ZNF385D: variants seen among roughly 807,000 people sequenced by gnomAD.
ZNF385D encodes the protein zinc finger protein 385D, also known as zinc finger protein 659.
Under a neutral mutation model 35.8 loss-of-function variants are expected in ZNF385D, and 15 were observed. That is an observed-to-expected ratio of 0.42 (90% CI 0.28 to 0.64). The LOEUF is 0.64. Ranked by LOEUF, ZNF385D falls within the 30% of genes least tolerant of loss-of-function variation. ZNF385D has a pLI of 0.23. For synonymous variants in ZNF385D, 212 were observed against 186.8 expected (o/e 1.13, Z -1.10); for missense variants, 474 against 494.6 (o/e 0.96, Z 0.39).
intron 2 of ZNF385D, among the ~76,000 whole-genome samples, chr3:22,281,001 G>T (rs748660816): frequency 1.3e-4 from 19 of 151,890 alleles, no homozygotes; most frequent in Non-Finnish European, 2.1e-4. Flanking sequence ...TCCAGTTATT[G>T]TAAAAGGGTT....
intron 3 of ZNF385D, among the ~76,000 whole-genome samples, chr3:21,543,462 C>A (rs1329639153): frequency 6.6e-6 from 1 of 152,094 alleles, no homozygotes; most frequent in Non-Finnish European, 1.5e-5. Context: ...AGCAGCAGTT[C>A]CCAGCCGCTC....
intron 3 of ZNF385D, among the ~76,000 whole-genome samples, chr3:22,116,990 T>A (rs1323949533): frequency 6.6e-6 from 1 of 151,982 alleles, no homozygotes; most frequent in African/African-American, 2.4e-5. Context: ...TTCAACAAAT[T>A]AGGAAAATAG....
chr3:21,995,076 G>A (rs1399821175), intron 3 of ZNF385D, among the ~76,000 whole-genome samples: 1 of 152,192 alleles, frequency 6.6e-6, no homozygotes, highest in African/African-American at 2.4e-5. Flanking sequence ...AAGTGGATAG[G>A]TCGTCAGGCC....
At chr3:21,756,848 C>T (rs7641603) in intron 3 of ZNF385D, among the ~76,000 whole-genome samples, 127,312 of 152,182 alleles carry the variant, frequency 0.84, 53,427 homozygotes, top group East Asian at 0.98. Context: ...GCTGTCCATA[C>T]GGAAACAAAT....
intron 1 of ZNF385D, among the ~76,000 whole-genome samples, chr3:21,723,966 A>G (rs1449566202): frequency 1.3e-5 from 2 of 152,216 alleles, no homozygotes; most frequent in Non-Finnish European, 2.9e-5. Flanking sequence ...CAGGAACCCT[A>G]CAAGCCAGAA....
intron 4 of ZNF385D, among the ~76,000 whole-genome samples, chr3:21,493,374 C>T (rs1447062887): frequency 6.6e-6 from 1 of 152,044 alleles, no homozygotes; most frequent in African/African-American, 2.4e-5. Context: ...TTTAAGCTTT[C>T]TCTTTTTGGA....
intron 3 of ZNF385D, among the ~76,000 whole-genome samples, chr3:22,136,272 C>T (rs141485647): frequency 3.9e-4 from 60 of 152,236 alleles, no homozygotes; most frequent in African/African-American, 1.4e-3. Flanking sequence ...CCTGTAGTCC[C>T]AGCTACTCGG....
At chr3:21,827,237 T>C (rs1233587343) in intron 3 of ZNF385D, among the ~76,000 whole-genome samples, 1 of 152,178 alleles carries the variant, frequency 6.6e-6, no homozygotes, top group African/African-American at 2.4e-5. Flanking sequence ...CAGTCCTTCA[T>C]GAAGACATTT....
intron 4 of ZNF385D, among the ~76,000 whole-genome samples, chr3:21,496,355 A>T (rs1049460521): frequency 6.9e-6 from 1 of 144,338 alleles, no homozygotes; most frequent in Non-Finnish European, 1.5e-5. Flanking sequence ...GTATATATGT[A>T]TATATCATAT....
intron 2 of ZNF385D, among the ~76,000 whole-genome samples, chr3:22,245,325 T>C (rs1699716707): frequency 1.3e-5 from 2 of 152,066 alleles, no homozygotes; most frequent in South Asian, 4.1e-4. Flanking sequence ...GACAGAAGTG[T>C]CCTGGGGCTA....
At chr3:22,232,555 C>G (rs1698956538) in intron 2 of ZNF385D, among the ~76,000 whole-genome samples, 1 of 152,138 alleles carries the variant, frequency 6.6e-6, no homozygotes, top group Non-Finnish European at 1.5e-5. Flanking sequence ...CCATCCCTGA[C>G]AGGCCCTGGT....
intron 4 of ZNF385D, among the ~76,000 whole-genome samples, chr3:21,488,000 C>T (rs1705156769): frequency 6.6e-6 from 1 of 152,048 alleles, no homozygotes; most frequent in Non-Finnish European, 1.5e-5. Flanking sequence ...CAGTTTTCCT[C>T]AAGAGCTTCC....
intron 3 of ZNF385D, among the ~76,000 whole-genome samples, chr3:21,771,055 A>C (rs1575620646): frequency 1.4e-5 from 2 of 142,502 alleles, no homozygotes; most frequent in Admixed American, 1.4e-4. Context: ...ACACTTGGAC[A>C]CAGGAAGGGG....
chr3:22,021,714 G>A (rs1457948697), intron 3 of ZNF385D, among the ~76,000 whole-genome samples: 1 of 152,012 alleles, frequency 6.6e-6, no homozygotes, highest in Admixed American at 6.6e-5. Flanking sequence ...ATGAAAACTG[G>A]CTTAGGAATG....
intron 3 of ZNF385D, among the ~76,000 whole-genome samples, chr3:22,043,403 G>C (rs979606468): frequency 6.6e-6 from 1 of 151,962 alleles, no homozygotes; most frequent in East Asian, 1.9e-4. Flanking sequence ...TACAAACATA[G>C]GCATAGATAC....
chr3:21,630,019 CACT>C (rs1221772242), intron 2 of ZNF385D, among the ~76,000 whole-genome samples: 2 of 26,164 alleles, frequency 7.6e-5, no homozygotes, highest in African/African-American at 1.9e-4. Flanking sequence ...TATTTTTCCT[CACT>C]ATGTCCTCCC....
At chr3:21,668,063 C>A (rs1490159) in intron 1 of ZNF385D, among the ~76,000 whole-genome samples, 37,043 of 152,150 alleles carry the variant, frequency 0.24, 5,599 homozygotes, top group South Asian at 0.37. Context: ...TATTTTTAGA[C>A]TATCTGCTAT....
chr3:22,139,314 A>G (rs1162772208), intron 3 of ZNF385D, among the ~76,000 whole-genome samples: 1 of 152,236 alleles, frequency 6.6e-6, no homozygotes, highest in Admixed American at 6.5e-5. Context: ...ACACATGTAC[A>G]CATATGTTTA....
At chr3:22,337,413 A>G (rs1695222972) in intron 2 of ZNF385D, among the ~76,000 whole-genome samples, 1 of 152,140 alleles carries the variant, frequency 6.6e-6, no homozygotes, top group Non-Finnish European at 1.5e-5. Flanking sequence ...GCATGCCTAT[A>G]ATCCCAGCTA....
Sources: allele counts gnomAD v4.1 joint callset (sites outside exome capture counted in the v4.1 genomes callset), GRCh38; gene constraint gnomAD v4.1.1; transcripts MANE v1.5; gene names NCBI Gene and HGNC (gene_info 2026-07-23, HGNC 2026-07-21).